EIF2B3: variants seen among roughly 807,000 people sequenced by gnomAD.
The protein encoded by EIF2B3 is eukaryotic translation initiation factor 2B subunit gamma, also known as translation initiation factor eIF2B subunit gamma.
In EIF2B3, 20 loss-of-function variants were observed where a neutral mutation model predicts 54.1. The observed-to-expected ratio is 0.37, with a 90% confidence interval of 0.26 to 0.54. The LOEUF (loss-of-function observed/expected upper bound fraction) is 0.54, where lower values mean the gene tolerates loss of function less well. EIF2B3 is among the 20% of genes least tolerant of loss of function. The pLI is 0.86. For missense variants in EIF2B3, 448 were observed against 547.8 expected (o/e 0.82, Z 1.82); for synonymous variants, 153 against 188.1 (o/e 0.81, Z 1.52).
intron 4 of EIF2B3, among the ~76,000 whole-genome samples, chr1:44,928,881 A>G (rs1169879771): frequency 1.3e-5 from 2 of 152,194 alleles, no homozygotes; most frequent in Non-Finnish European, 2.9e-5. Context: ...CATAGTGACA[A>G]AATAGCAGAA....
chr1:44,886,691 T>C (rs1655595752), intron 6 of EIF2B3, among the ~76,000 whole-genome samples: 1 of 152,224 alleles, frequency 6.6e-6, no homozygotes, highest in South Asian at 2.1e-4. Context: ...CACTGCTGAG[T>C]GTTCAAACCG....
chr1:44,893,907 C>G (rs919727691), intron 6 of EIF2B3, among the ~76,000 whole-genome samples: 2 of 152,090 alleles, frequency 1.3e-5, no homozygotes, highest in Non-Finnish European at 2.9e-5. Flanking sequence ...AAGACTAATC[C>G]TGGTATACAT....
At chr1:44,884,946 C>A (rs1007586336) in intron 6 of EIF2B3, among the ~76,000 whole-genome samples, 1 of 152,168 alleles carries the variant, frequency 6.6e-6, no homozygotes, top group Non-Finnish European at 1.5e-5. Flanking sequence ...TAGGTCAATC[C>A]CCATGATGCA....
chr1:44,969,311 A>G (rs1335606907), intron 3 of EIF2B3, among the ~76,000 whole-genome samples: 12 of 152,230 alleles, frequency 7.9e-5, no homozygotes, highest in Non-Finnish European at 1.3e-4. Context: ...CAAGGGGGAA[A>G]AAAGAAATGG....
chr1:44,984,795 A>ACCTT (rs1557718626), intron 1 of EIF2B3, among the ~76,000 whole-genome samples: 2 of 80,470 alleles, frequency 2.5e-5, no homozygotes, highest in Non-Finnish European at 2.1e-5. Flanking sequence ...AATAATGTCC[A>ACCTT]TCTTTTTTTT....
At chr1:44,977,790 A>G (rs190718079) in intron 3 of EIF2B3, among the ~76,000 whole-genome samples, 1 of 152,286 alleles carries the variant, frequency 6.6e-6, no homozygotes, top group East Asian at 1.9e-4. Context: ...TTTTTTAATA[A>G]AAATGTGCTA....
At chr1:44,858,711 C>A (rs917354794) in intron 10 of EIF2B3, among the ~76,000 whole-genome samples, 1 of 152,076 alleles carries the variant, frequency 6.6e-6, no homozygotes, top group South Asian at 2.1e-4. Flanking sequence ...GTGATCCACC[C>A]GCCTTGGCTT....
Position 44,932,863 on chromosome 1 carries a change from A to G in EIF2B3, c.455-6124T>C, listed in dbSNP as rs941309608. 1.5e-4 allele frequency among the ~76,000 whole-genome samples: 23 copies of G among 152,354 alleles called. No individual in the cohort carries two copies. In the South Asian group the frequency reaches 1.9e-3, roughly 12 times the overall value. ...GGGCAGAATAAAGACACTTTCAGGG[A>G]TACAAAAGCTCAAAAATTTACTTCT... On this transcript the variant is annotated intron_variant, in intron 4 of 11. Coordinates refer to ENST00000360403, the MANE Select transcript of EIF2B3 (RefSeq NM_020365.5).
intron 5 of EIF2B3, among the ~76,000 whole-genome samples, chr1:44,922,871 A>G (rs143266003): frequency 4.1e-3 from 210 of 50,606 alleles, no homozygotes; most frequent in African/African-American, 0.015. Context: ...TTTGAGACTG[A>G]GTCTTGCTCT....
chr1:44,860,314 T>C (rs113314522), intron 10 of EIF2B3, among the ~76,000 whole-genome samples: 2 of 152,308 alleles, frequency 1.3e-5, no homozygotes, highest in African/African-American at 4.8e-5. Context: ...CATGCCTGGC[T>C]AACAAATCTA....
chr1:44,860,455 C>A (rs2148894577), intron 10 of EIF2B3, among the ~76,000 whole-genome samples: 1 of 152,236 alleles, frequency 6.6e-6, no homozygotes, highest in East Asian at 1.9e-4. Flanking sequence ...TAGAAGCAAA[C>A]CCCTCCTAGA....
intron 4 of EIF2B3, among the ~76,000 whole-genome samples, chr1:44,933,453 A>G (rs948931387): frequency 6.6e-6 from 1 of 152,078 alleles, no homozygotes; most frequent in African/African-American, 2.4e-5. Context: ...AAAAAAATTA[A>G]GACACAGAAA....
intron 9 of EIF2B3, 27 bp from the exon 10 acceptor site, chr1:44,874,853 G>A (rs1392806571): frequency 6.2e-7 from 1 of 1,613,866 alleles, no homozygotes; most frequent in Non-Finnish European, 8.5e-7. Flanking sequence ...ATAAAACTCT[G>A]TCCACCCATC....
Position 44,973,197 on chromosome 1 carries a change from A to C in EIF2B3, c.294+5118T>G, listed in dbSNP as rs909621886. Among the ~76,000 whole-genome samples, 7 of 152,226 alleles carry C rather than the reference A, an allele frequency of 4.6e-5. No homozygotes were observed. The East Asian group carries it at 1.3e-3, about 29-fold the overall frequency. ...ATATAATCCAGCAACTACATTTCTC[A>C]GTATAAATCAAAAGAACTGAAAGAG... On this transcript the variant is annotated intron_variant, in intron 3 of 11. Coordinates refer to ENST00000360403, the MANE Select transcript of EIF2B3 (RefSeq NM_020365.5).
intron 5 of EIF2B3, among the ~76,000 whole-genome samples, chr1:44,904,438 C>T (rs1333098163): frequency 6.6e-6 from 1 of 152,212 alleles, no homozygotes; most frequent in Non-Finnish European, 1.5e-5. Context: ...ACTTAACTAT[C>T]TTGCAGTGTT....
chr1:44,962,163 GC>G (rs1175102164), intron 3 of EIF2B3, among the ~76,000 whole-genome samples: 1 of 151,972 alleles, frequency 6.6e-6, no homozygotes, highest in East Asian at 1.9e-4. Context: ...CTGCACTCCA[GC>G]CTGGGTGACA....
chr1:44,875,654 T>G lies in EIF2B3; in HGVS notation c.1017A>C (p.Pro339=). 6.2e-7 allele frequency: 1 copy of G among 1,614,200 alleles called. No individual in the cohort carries two copies. Among genetic ancestry groups the G allele is most frequent in the Non-Finnish European group, 8.5e-7 (1 of 1,180,034 alleles). The change falls in exon 9 of 12, where the codon CCA becomes CCC. Residue 339 remains proline (P), a synonymous_variant. Transcript: ENST00000360403. The part of the protein sequence containing the change: ...LLSALCPEEP[P]VHSSAQIVSK... ...TGACAATCTGGGCTGACGAATGGACTGGTGGTTCTTCTGGACAGAGAGCAG... is the reference window on the plus strand; with the variant it reads ...TGACAATCTGGGCTGACGAATGGACGGGTGGTTCTTCTGGACAGAGAGCAG...
chr1:44,982,367 C>T (rs1644524231), intron 1 of EIF2B3, among the ~76,000 whole-genome samples: 3 of 152,132 alleles, frequency 2.0e-5, no homozygotes, highest in South Asian at 2.1e-4. Context: ...GCCGTGATCT[C>T]GGCTCACTGC....
chr1:44,864,359 G>C (rs1654704759), intron 10 of EIF2B3, among the ~76,000 whole-genome samples: 1 of 152,136 alleles, frequency 6.6e-6, no homozygotes, highest in African/African-American at 2.4e-5. Flanking sequence ...GTGGTCAGGA[G>C]TTCAAGACCA....
Sources: gnomAD v4.1 joint callset for allele counts (sites outside exome capture counted in the v4.1 genomes callset) on GRCh38, gnomAD v4.1.1 for gene constraint, MANE v1.5 for transcripts, NCBI Gene and HGNC (gene_info 2026-07-23, HGNC 2026-07-21) for gene names.